The following PCED1B variants were observed in gnomAD, a reference collection of about 807,000 sequenced individuals.
The protein encoded by PCED1B is PC-esterase domain containing 1B.
For missense variants in PCED1B, 573 were observed against 573.9 expected, an observed-to-expected ratio of 1.00 and a Z score of 0.02; for synonymous variants, 251 against 246.1, an observed-to-expected ratio of 1.02 and a Z score of -0.19.
chr12:47,165,562 G>C (rs1043941516), intron 2 of PCED1B, among the ~76,000 whole-genome samples: 3 of 152,080 alleles, frequency 2.0e-5, no homozygotes, highest in Non-Finnish European at 2.9e-5. Flanking sequence ...GAATTCACAA[G>C]GCTAAAAAGT....
chr12:47,236,128 C>G lies in PCED1B; in HGVS notation c.1065C>G (p.Cys355Trp). Residue 355 changes from cysteine to tryptophan, a missense_variant, in exon 4 of 4, where the codon TGC (cysteine) becomes TGG (tryptophan). Physicochemically the swap from Cys to Trp is radical, Grantham distance 215. Transcript: ENST00000546455. ...CTTTCCAGTCGGATCAATTCTATTG[C>G]CATTCAGATGTCCCCTCATCAGCCC... ...DHTFQSDQFY[C>W]HSDVPSSAHA... 1 of 1,614,142 alleles carries G rather than the reference C, an allele frequency of 6.2e-7. No individual in the cohort carries two copies. Among genetic ancestry groups the G allele is most frequent in the Non-Finnish European group, 8.5e-7 (1 of 1,180,026 alleles).
At chr12:47,174,053 G>T (rs1307875055) in intron 2 of PCED1B, among the ~76,000 whole-genome samples, 2 of 151,864 alleles carry the variant, frequency 1.3e-5, no homozygotes, top group Non-Finnish European at 2.9e-5. Flanking sequence ...GCCGAGGCAG[G>T]CCCATCACTT....
At chr12:47,154,112 C>CA (rs1347645072) in intron 2 of PCED1B, among the ~76,000 whole-genome samples, 1 of 152,184 alleles carries the variant, frequency 6.6e-6, no homozygotes, top group African/African-American at 2.4e-5. Context: ...CCCTTTGTTC[C>CA]AAACCATTTG....
intron 1 of PCED1B, among the ~76,000 whole-genome samples, chr12:47,086,529 T>C (rs763528827): frequency 6.6e-6 from 1 of 152,176 alleles, no homozygotes; most frequent in African/African-American, 2.4e-5. Context: ...GTCATAATTA[T>C]ATAATGAGAG....
rs1315743099 is a variant in PCED1B, at chr12:47,079,774, C to G, written c.-609+49C>G. 5.3e-5 allele frequency: 8 copies of G among 150,394 alleles called. No homozygotes were observed. In the East Asian group the frequency reaches 5.9e-4, roughly 11 times the overall value. 9.3% of individuals were successfully genotyped at this position (150,394 alleles called of 1,614,324 possible). On this transcript the variant is annotated intron_variant, in intron 1 of 3. Transcript: ENST00000546455. The stretch of plus-strand genomic sequence containing the variant: ...CCGTGTGCCCGCGCGCGGGGCGCCC[C>G]GCTCCCAGAGCCGGGGCCGCGGGAG...
chr12:47,233,121 G>T (rs1239375391), intron 3 of PCED1B, among the ~76,000 whole-genome samples: 2 of 152,028 alleles, frequency 1.3e-5, no homozygotes, highest in African/African-American at 4.8e-5. Context: ...GCCCAGGCTG[G>T]TCTCGAACTC....
chr12:47,235,957 A>T lies in PCED1B; in HGVS notation c.894A>T (p.Thr298=), dbSNP rs781647491. 6.2e-7 allele frequency: 1 copy of T among 1,603,780 alleles called. No individual in the cohort carries two copies. The highest frequency in any genetic ancestry group is 8.5e-7 in the Non-Finnish European group (1 of 1,176,638). Residue 298 remains threonine, a synonymous_variant, in exon 4 of 4, where the codon ACA becomes ACT. Transcript: ENST00000546455. ...LPLSPPLPSP[T]YRPLLGFPPQ... ...TGTCCCCACCCTTACCTTCCCCCACATACCGCCCCCTGCTTGGGTTCCCAC... is the reference window on the plus strand; with the variant it reads ...TGTCCCCACCCTTACCTTCCCCCACTTACCGCCCCCTGCTTGGGTTCCCAC...
rs189897732 is a variant in PCED1B, at chr12:47,118,015, T to C, written c.-526+13820T>C. On this transcript the variant is annotated intron_variant, in intron 2 of 3. Coordinates refer to ENST00000546455, the MANE Select transcript of PCED1B (RefSeq NM_138371.3). ...ATGTCTTCTTTTGAGAAGTGTCTGTTCATATCCTTTGCCCACTTTTTGATG... is the reference window on the plus strand; with the variant it reads ...ATGTCTTCTTTTGAGAAGTGTCTGTCCATATCCTTTGCCCACTTTTTGATG... Among the ~76,000 whole-genome samples, 504 of 152,206 alleles carry C rather than the reference T, an allele frequency of 3.3e-3. 8 individuals carry two copies. In the South Asian group the frequency reaches 0.04, roughly 12 times the overall value.
chr12:47,089,155 C>A (rs1048093771), intron 1 of PCED1B, among the ~76,000 whole-genome samples: 11 of 151,794 alleles, frequency 7.2e-5, no homozygotes, highest in Non-Finnish European at 1.5e-4. Context: ...AAAATATAAA[C>A]CAAAAGGCCA....
intron 2 of PCED1B, among the ~76,000 whole-genome samples, chr12:47,137,173 A>T (rs933742503): frequency 1.2e-4 from 19 of 152,194 alleles, no homozygotes; most frequent in African/African-American, 4.3e-4. Flanking sequence ...CTGATTACAA[A>T]ATCTATTTTG....
At chr12:47,224,993 A>G (rs1314179297) in intron 3 of PCED1B, among the ~76,000 whole-genome samples, 1 of 152,088 alleles carries the variant, frequency 6.6e-6, no homozygotes, top group Non-Finnish European at 1.5e-5. Context: ...GTGCAGTGAC[A>G]CAATCTTGGC....
chr12:47,145,056 C>A (rs930415256), intron 2 of PCED1B, among the ~76,000 whole-genome samples: 2 of 152,258 alleles, frequency 1.3e-5, no homozygotes, highest in Non-Finnish European at 2.9e-5. Context: ...AAGAAAAATT[C>A]TTGAAGCAAA....
intron 2 of PCED1B, among the ~76,000 whole-genome samples, chr12:47,129,152 A>T (rs967184657): frequency 6.6e-6 from 1 of 152,146 alleles, no homozygotes; most frequent in Non-Finnish European, 1.5e-5. Context: ...TTTCCCTGCC[A>T]TATTCCTATC....
chr12:47,150,541 G>T (rs138046876), intron 2 of PCED1B, among the ~76,000 whole-genome samples: 304 of 151,656 alleles, frequency 2.0e-3, no homozygotes, highest in African/African-American at 7.0e-3. Flanking sequence ...TCGTGCCACT[G>T]CACTGCAGTC....
At chr12:47,138,384 T>A (rs1324647550) in intron 2 of PCED1B, 3 of 152,240 alleles carry the variant, frequency 2.0e-5, no homozygotes, top group African/African-American at 7.2e-5. Context: ...CCTCTTCTCA[T>A]GATGGCAGTA....
rs116957813 is a variant in PCED1B at position 47,140,618 on chromosome 12, A to G, written c.-526+36423A>G. ...AAAACACAACCAAGATTGAAATACT[A>G]ATGATTTGCTTCACTATTGAGAATT... On this transcript the variant is annotated intron_variant, in intron 2 of 3. Coordinates refer to ENST00000546455, the MANE Select transcript of PCED1B (RefSeq NM_138371.3). 6.3e-4 allele frequency among the ~76,000 whole-genome samples: 96 copies of G among 152,304 alleles called. No individual in the cohort carries two copies. The East Asian group carries it at 0.017, about 27-fold the overall frequency.
At chr12:47,226,400 G>A (rs1943632934) in intron 3 of PCED1B, among the ~76,000 whole-genome samples, 1 of 152,168 alleles carries the variant, frequency 6.6e-6, no homozygotes, top group African/African-American at 2.4e-5. Context: ...GATGGAGTGA[G>A]TCTCGCTCTG....
At chr12:47,217,321 G>A (rs1021567458) in intron 3 of PCED1B, among the ~76,000 whole-genome samples, 5 of 151,454 alleles carry the variant, frequency 3.3e-5, no homozygotes, top group African/African-American at 1.2e-4. Context: ...AGGATTGATT[G>A]AGCCTGCAGA....
At chr12:47,208,830 T>C (rs930457615) in intron 2 of PCED1B, 13 of 152,280 alleles carry the variant, frequency 8.5e-5, no homozygotes, top group African/African-American at 3.1e-4. Flanking sequence ...AGACTGACAC[T>C]GGCCGGGTGC....
Sources: allele counts gnomAD v4.1 joint callset (sites outside exome capture counted in the v4.1 genomes callset), GRCh38; gene constraint gnomAD v4.1.1; transcripts MANE v1.5; gene names NCBI Gene and HGNC (gene_info 2026-07-23, HGNC 2026-07-21).